Variants in ZNF362 observed in about 807,000 individuals in gnomAD.
ZNF362 encodes zinc finger protein 362, also known as rotund homolog.
In ZNF362, 11 loss-of-function variants were observed where a neutral mutation model predicts 42.9. The ratio of observed to expected loss-of-function variants is 0.26; its 90% CI spans 0.16 to 0.42. The LOEUF (loss-of-function observed/expected upper bound fraction) is 0.42. Among genes scored for constraint, ZNF362 ranks in the 20% least tolerant of loss-of-function variants. The pLI, the probability that ZNF362 is intolerant of heterozygous loss-of-function variation, is 1.00. For synonymous variants in ZNF362, 255 were observed against 257.3 expected (o/e 0.99, Z 0.09); for missense variants, 362 against 576.2 (o/e 0.63, Z 3.81).
the ZNF362 span, among the ~76,000 whole-genome samples, chr1:33,216,616 A>T: frequency 1.3e-5 from 2 of 150,922 alleles, no homozygotes; most frequent in Non-Finnish European, 2.9e-5. Context: ...AAAAAAAAAA[A>T]AAAGAAACAG....
chr1:33,161,578 C>G, the ZNF362 span, among the ~76,000 whole-genome samples: 14 of 152,076 alleles, frequency 9.2e-5, no homozygotes, highest in African/African-American at 3.4e-4. The surrounding 1 kb of genome is among the most constrained non-coding windows in gnomAD (Gnocchi z 4.3). Context: ...ACCCAGAACG[C>G]CAGGCAGACA....
Position 33,295,230 on chromosome 1 carries a change from G to A in ZNF362, c.1071G>A (p.Gln357=). 1.9e-6 allele frequency: 3 copies of A among 1,614,220 alleles called. No individual in the cohort carries two copies. The highest frequency in any genetic ancestry group is 2.5e-6 in the Non-Finnish European group (3 of 1,180,046). The change falls in exon 8 of 9, where the codon CAG becomes CAA. Residue 357 remains glutamine, a synonymous_variant. Coordinates refer to ENST00000539719, the MANE Select transcript of ZNF362 (RefSeq NM_152493.3). ...CCTATTCGGACTCCGCTTCTTTGCA[G>A]ATCCACCTCTCGGCCCACGCCATCA... ...YRAYSDSASL[Q]IHLSAHAIKH...
chr1:33,145,583 G>A, the ZNF362 span: 1,865 of 185,824 alleles, frequency 0.01, 32 homozygotes, highest in African/African-American at 0.041. Flanking sequence ...AGAACCCCCT[G>A]TGTTTAGCTC....
the ZNF362 span, among the ~76,000 whole-genome samples, chr1:33,138,722 AT>A: frequency 6.6e-6 from 1 of 151,134 alleles, no homozygotes; most frequent in Non-Finnish European, 1.5e-5. Context: ...CTGATGGATG[AT>A]TTTTTTCCTT....
chr1:33,220,060 A>T, the ZNF362 span, among the ~76,000 whole-genome samples: 1 of 152,158 alleles, frequency 6.6e-6, no homozygotes, highest in Non-Finnish European at 1.5e-5. Context: ...GGGTGGATGA[A>T]TCATCAGAGC....
In ZNF362 at chr1:33,294,719, TAGG is replaced by T. The variant is rs1646104710; in HGVS notation, c.909-214_909-212del. ...GGGGACAGCTGGGACCTGTGGGAAG[TAGG>T]AGGCTCTGGTCAGACTGGCAGTGGA... On this transcript the variant is annotated intron_variant, in intron 6 of 8. Transcript: ENST00000539719. This position sits in a 1 kb window ranked among gnomAD's most constrained non-coding sequence, Gnocchi z 4.2. Among the ~76,000 whole-genome samples the T allele has an allele frequency of 6.6e-6, 1 of 151,638 alleles. No homozygotes were observed.
chr1:33,276,063 GGCTCTCTTCCCGGTGACAGTC>G lies in ZNF362; in HGVS notation c.39-24_39-4del. The G allele has an allele frequency of 6.2e-7, 1 of 1,612,654 alleles. No homozygotes were observed. The highest frequency in any genetic ancestry group is 8.5e-7 in the Non-Finnish European group (1 of 1,179,058). The stretch of plus-strand genomic sequence containing the variant: ...GGTGCTCGCCCCAGGCCTTGGGGAG[GGCTCTCTTCCCGGTGACAGTC>G]GCTCTCTTCCCGCAGGATGGCCGAG... On this transcript the variant is annotated splice_polypyrimidine_tract_variant and intron_variant, in intron 2 of 8. Coordinates refer to ENST00000539719, the MANE Select transcript of ZNF362 (RefSeq NM_152493.3).
At chr1:33,255,773 T>TA (rs930804423), upstream of ZNF362, among the ~76,000 whole-genome samples, 14 of 149,420 alleles carry the variant, frequency 9.4e-5, no homozygotes, top group Non-Finnish European at 1.6e-4. Context: ...GTCCTCGTCT[T>TA]AAAAAAAAAA....
rs578051146 is a variant in ZNF362 at position 33,262,550 on chromosome 1, A to G, written c.-89+5896A>G. Among the ~76,000 whole-genome samples, 8 of 152,060 alleles carry G rather than the reference A, an allele frequency of 5.3e-5. No individual in the cohort carries two copies. The East Asian group carries it at 7.8e-4, about 15-fold the overall frequency. ...TCTCGATCTCCTGACCTTGTGATCC[A>G]TCCGCCTTGGCCTCCCAAAGTGCTG... On this transcript the variant is annotated intron_variant, in intron 1 of 8. Coordinates refer to ENST00000539719, the MANE Select transcript of ZNF362 (RefSeq NM_152493.3).
chr1:33,297,501 T>C (rs1272492547), intron 8 of ZNF362, among the ~76,000 whole-genome samples: 3 of 141,576 alleles, frequency 2.1e-5, no homozygotes, highest in Non-Finnish European at 4.5e-5. Context: ...TTGGTGTATT[T>C]ACATGATTCC....
upstream of ZNF362, among the ~76,000 whole-genome samples, chr1:33,254,540 AGTCT>A (rs1201593773): frequency 6.6e-6 from 1 of 152,164 alleles, no homozygotes; most frequent in Non-Finnish European, 1.5e-5. Context: ...CCACTCTTGG[AGTCT>A]GTCTGTTTTT....
chr1:33,298,010 C>G (rs1182497584), intron 8 of ZNF362, among the ~76,000 whole-genome samples: 3 of 152,196 alleles, frequency 2.0e-5, no homozygotes, highest in African/African-American at 7.2e-5. Flanking sequence ...CATTTGAGGG[C>G]TTCCTCTGCT....
chr1:33,240,832 T>C, the ZNF362 span, among the ~76,000 whole-genome samples: 1 of 152,220 alleles, frequency 6.6e-6, no homozygotes, highest in African/African-American at 2.4e-5. Flanking sequence ...ACCTGGCGTT[T>C]TCCCCCATGC....
chr1:33,285,484 G>T (rs912412213), intron 6 of ZNF362, among the ~76,000 whole-genome samples: 1 of 152,120 alleles, frequency 6.6e-6, no homozygotes, highest in Non-Finnish European at 1.5e-5. Flanking sequence ...ATCCCATAAA[G>T]CATTATCACT....
At chr1:33,295,756 GGTGGGAA>G (rs1413578962) in intron 8 of ZNF362, among the ~76,000 whole-genome samples, 1 of 152,160 alleles carries the variant, frequency 6.6e-6, no homozygotes, top group African/African-American at 2.4e-5. Context: ...CCCGTCCCTG[GGTGGGAA>G]TTTCCCCAAA....
chr1:33,276,206 C>T (rs368665264), intron 3 of ZNF362, 43 bp downstream of exon 3: 169 of 1,607,800 alleles, frequency 1.1e-4, no homozygotes, highest in Non-Finnish European at 1.4e-4. Context: ...CCCTCCTTGG[C>T]GCTGCTTCGC....
the ZNF362 span, chr1:33,147,857 A>G: frequency 9.7e-7 from 1 of 1,030,194 alleles, no homozygotes; most frequent in African/African-American, 1.6e-5. This position sits in a 1 kb window ranked among gnomAD's most constrained non-coding sequence, Gnocchi z 8.1. Flanking sequence ...GACCTTGAAT[A>G]CAAGTCTGCC....
At chr1:33,142,665 T>A in the ZNF362 span, 1 of 152,210 alleles carries the variant, frequency 6.6e-6, no homozygotes, top group Non-Finnish European at 1.5e-5. Flanking sequence ...AATTGCACAA[T>A]TCCGCAGTGG....
chr1:33,237,798 C>T, the ZNF362 span, among the ~76,000 whole-genome samples: 1 of 152,180 alleles, frequency 6.6e-6, no homozygotes, highest in Non-Finnish European at 1.5e-5. Context: ...GTAGAGGTTT[C>T]TCTTTCTTTA....
Sources: allele counts gnomAD v4.1 joint callset (sites outside exome capture counted in the v4.1 genomes callset), GRCh38; gene constraint gnomAD v4.1.1; non-coding constraint Gnocchi (gnomAD v3.1); transcripts MANE v1.5; gene names NCBI Gene and HGNC (gene_info 2026-07-23, HGNC 2026-07-21).